TRAPPC3L: variants seen among roughly 807,000 people sequenced by gnomAD.
TRAPPC3L encodes the protein trafficking protein particle complex subunit 3-like protein.
TRAPPC3L carries 23 observed loss-of-function variants against 23.7 expected under a neutral mutation model. The ratio of observed to expected loss-of-function variants is 0.97; its 90% CI spans 0.70 to 1.37. The LOEUF (loss-of-function observed/expected upper bound fraction) is 1.37. TRAPPC3L is among the 40% of genes most tolerant of loss of function. The probability of loss-of-function intolerance (pLI) is 0.00; values close to 1 mark genes in which losing one functional copy is unlikely to be tolerated. For missense variants in TRAPPC3L, 212 were observed against 216.8 expected (o/e 0.98, Z 0.14); for synonymous variants, 81 against 77.9 (o/e 1.04, Z -0.21).
At chr6:116,511,843 C>CT in intron 3 of TRAPPC3L, 1 of 1,614,080 alleles carries the variant, frequency 6.2e-7, no homozygotes, top group Non-Finnish European at 8.5e-7. Context: ...AGAATATGAC[C>CT]TATGGGCTGG....
intron 3 of TRAPPC3L, among the ~76,000 whole-genome samples, chr6:116,509,960 G>A (rs2115162465): frequency 6.6e-6 from 1 of 152,174 alleles, no homozygotes; most frequent in Non-Finnish European, 1.5e-5. Flanking sequence ...TATCTATAAG[G>A]AACTCAAACA....
chr6:116,538,608 A>G (rs2064877), intron 3 of TRAPPC3L, among the ~76,000 whole-genome samples: 84,184 of 151,916 alleles, frequency 0.55, 24,981 homozygotes, highest in East Asian at 0.89. Flanking sequence ...CAAATGTTCA[A>G]AGCCTAATAA....
chr6:116,529,896 C>T lies in TRAPPC3L; in HGVS notation c.240+10467G>A, dbSNP rs367814651. On this transcript the variant is annotated intron_variant, in intron 3 of 4. Coordinates refer to ENST00000368602, the MANE Select transcript of TRAPPC3L (RefSeq NM_001139444.3). ...AAGTTGTGTGTAAGAGGAGTGTGTG[C>T]GGAAGAGGGTTGAGGAATGGAAAGC... is the stretch of plus-strand genomic sequence containing the variant. Among the ~76,000 whole-genome samples the T allele has an allele frequency of 2.9e-3, 435 of 152,038 alleles. 18 individuals are homozygous for T. The South Asian group carries it at 0.064, about 22-fold the overall frequency.
chr6:116,501,291 G>T (rs928728052), intron 3 of TRAPPC3L, among the ~76,000 whole-genome samples: 9 of 152,208 alleles, frequency 5.9e-5, no homozygotes, highest in African/African-American at 1.4e-4. Context: ...CTTGGCGGGG[G>T]GAGGGGTGTC....
intron 3 of TRAPPC3L, among the ~76,000 whole-genome samples, chr6:116,529,801 A>G (rs1167607396): frequency 6.6e-6 from 1 of 152,188 alleles, no homozygotes; most frequent in Non-Finnish European, 1.5e-5. Context: ...AGATTGAATG[A>G]AAATAAACAG....
At chr6:116,534,896 A>C (rs1772980522) in intron 3 of TRAPPC3L, among the ~76,000 whole-genome samples, 1 of 152,162 alleles carries the variant, frequency 6.6e-6, no homozygotes, top group Admixed American at 6.5e-5. Context: ...AAGTCTTTTT[A>C]TGCTGTATTT....
At chr6:116,530,769 C>T (rs1772649470) in intron 3 of TRAPPC3L, among the ~76,000 whole-genome samples, 1 of 151,730 alleles carries the variant, frequency 6.6e-6, no homozygotes, top group Non-Finnish European at 1.5e-5. Context: ...CAATACCTTA[C>T]AGTTAGCATA....
At position 116,497,034 on chromosome 6, in the gene TRAPPC3L, G is replaced by T; in HGVS notation, c.466C>A (p.Leu156Ile). The T allele has an allele frequency of 6.5e-7, 1 of 1,546,628 alleles. No homozygotes were observed. Among genetic ancestry groups the T allele is most frequent in the East Asian group, 2.5e-5 (1 of 40,418 alleles). ...AADVTFLQDR[L>I]KGDSVTEIGI... ...ATTTCTGTCACACTGTCACCTTTTA[G>T]TCTGTCTTGCAAGAATGTAACATCA... Residue 156 changes from leucine to isoleucine, a missense_variant, in exon 5 of 5, where the codon CTA (leucine) becomes ATA (isoleucine). Coordinates refer to ENST00000368602, the MANE Select transcript of TRAPPC3L (RefSeq NM_001139444.3).
At chr6:116,529,240 C>T (rs1052179689) in intron 3 of TRAPPC3L, 10 of 152,238 alleles carry the variant, frequency 6.6e-5, no homozygotes, top group African/African-American at 2.2e-4. Flanking sequence ...GGACTCTGTT[C>T]CGTTCCAATA....
At chr6:116,514,032 T>C (rs1772175201) in intron 3 of TRAPPC3L, among the ~76,000 whole-genome samples, 1 of 152,140 alleles carries the variant, frequency 6.6e-6, no homozygotes, top group Non-Finnish European at 1.5e-5. Context: ...AAGCTTCTGG[T>C]ACACAGTATT....
At chr6:116,535,039 A>C (rs1282311860) in intron 3 of TRAPPC3L, among the ~76,000 whole-genome samples, 1 of 152,212 alleles carries the variant, frequency 6.6e-6, no homozygotes, top group East Asian at 1.9e-4. Flanking sequence ...AACTTTGACA[A>C]ACATAATTTG....
intron 3 of TRAPPC3L, among the ~76,000 whole-genome samples, chr6:116,539,780 C>A (rs1374931251): frequency 1.3e-5 from 2 of 152,140 alleles, no homozygotes; most frequent in Non-Finnish European, 2.9e-5. Context: ...AACAACACTA[C>A]ATTAATAACC....
At chr6:116,501,645 C>T (rs372262622) in intron 3 of TRAPPC3L, among the ~76,000 whole-genome samples, 1 of 152,272 alleles carries the variant, frequency 6.6e-6, no homozygotes, top group Admixed American at 6.5e-5. Flanking sequence ...CAGGCAGGTG[C>T]CCCTCTGGGA....
intron 3 of TRAPPC3L, among the ~76,000 whole-genome samples, chr6:116,509,091 TAAA>T (rs56112495): frequency 0.1 from 13,197 of 127,890 alleles, 731 homozygotes; most frequent in Admixed American, 0.17. Flanking sequence ...ATAAGAGTTG[TAAA>T]AAAAAAAAAA....
At chr6:116,516,008 C>T (rs1338952556) in intron 3 of TRAPPC3L, 14 of 1,566,190 alleles carry the variant, frequency 8.9e-6, no homozygotes, top group South Asian at 2.4e-5. Flanking sequence ...CCATCAATGA[C>T]TCATGGTGTT....
Position 116,540,441 on chromosome 6 carries a change from C to A in TRAPPC3L, c.162G>T (p.Arg54=). The A allele has an allele frequency of 6.4e-7, 1 of 1,551,338 alleles. No homozygotes were observed. The part of the protein sequence containing the change: ...LDKMGYGIGT[R]LVEDFLARSC... ...ATCGAGCCAAAAAGTCTTCCACAAG[C>A]CGCGTTCCAATGCCGTAACCCCTGT... is the stretch of plus-strand genomic sequence containing the variant. Residue 54 remains arginine (R), a synonymous_variant, in exon 3 of 5, where the codon CGG becomes CGT. Transcript: ENST00000368602.
intron 3 of TRAPPC3L, chr6:116,529,174 C>T (rs1475661838): frequency 6.6e-6 from 1 of 152,268 alleles, no homozygotes; most frequent in Non-Finnish European, 1.5e-5. Context: ...TGCTGCAACC[C>T]TTCAGCTCTG....
intron 3 of TRAPPC3L, chr6:116,521,333 A>AG (rs1438796618): frequency 2.0e-5 from 3 of 152,164 alleles, no homozygotes; most frequent in African/African-American, 7.2e-5. Context: ...GGAAATGTGT[A>AG]GGGTGGCTCA....
chr6:116,499,483 T>C (rs1415864389), intron 4 of TRAPPC3L, among the ~76,000 whole-genome samples: 1 of 152,258 alleles, frequency 6.6e-6, no homozygotes, highest in African/African-American at 2.4e-5. Context: ...TTGCTTTCAA[T>C]ATAAAAATCT....
Sources: allele counts gnomAD v4.1 joint callset (sites outside exome capture counted in the v4.1 genomes callset), GRCh38; gene constraint gnomAD v4.1.1; transcripts MANE v1.5; gene names NCBI Gene and HGNC (gene_info 2026-07-23, HGNC 2026-07-21).